ADAMTSL1: variants seen among roughly 807,000 people sequenced by gnomAD.
The protein encoded by ADAMTSL1 is ADAMTS like 1, also known as ADAMTS-like protein 1.
ADAMTSL1 carries 126 observed loss-of-function variants against 201.8 expected under a neutral mutation model. That is an observed-to-expected ratio of 0.62 (90% CI 0.54 to 0.72). ADAMTSL1 has a LOEUF of 0.72. Ranked by LOEUF, ADAMTSL1 falls within the 30% of genes least tolerant of loss-of-function variation. The probability of loss-of-function intolerance (pLI) is 0.00; values close to 1 mark genes in which losing one functional copy is unlikely to be tolerated. For synonymous variants in ADAMTSL1, 1,121 were observed against 903.4 expected (o/e 1.24, Z -4.32); for missense variants, 2,679 against 2,277.8 (o/e 1.18, Z -3.59).
chr9:18,763,045 A>G (rs571048190), intron 16 of ADAMTSL1, among the ~76,000 whole-genome samples: 5 of 152,312 alleles, frequency 3.3e-5, no homozygotes, highest in African/African-American at 1.2e-4. Context: ...GCTAGATCAT[A>G]CGGTAGCTCA....
intron 1 of ADAMTSL1, among the ~76,000 whole-genome samples, chr9:17,994,507 G>A (rs1008394644): frequency 3.9e-5 from 6 of 152,110 alleles, no homozygotes; most frequent in Non-Finnish European, 7.4e-5. Context: ...GCTTTTATTA[G>A]ATATTCGGTA....
chr9:18,359,830 C>G (rs1160499151), intron 2 of ADAMTSL1, among the ~76,000 whole-genome samples: 2 of 114,180 alleles, frequency 1.8e-5, no homozygotes, highest in African/African-American at 3.3e-5. Context: ...CCCACCCGCC[C>G]CCCCGCCCAC....
chr9:18,674,156 C>T (rs1227020603), intron 9 of ADAMTSL1, among the ~76,000 whole-genome samples: 1 of 150,622 alleles, frequency 6.6e-6, no homozygotes, highest in African/African-American at 2.4e-5. Flanking sequence ...AGGCAGCATC[C>T]CTTTTCTTAT....
intron 1 of ADAMTSL1, among the ~76,000 whole-genome samples, chr9:17,979,231 C>T (rs1818584965): frequency 6.6e-6 from 1 of 151,974 alleles, no homozygotes; most frequent in Admixed American, 6.6e-5. Context: ...TGGGGAGTTT[C>T]CAGTCATTAT....
At chr9:18,608,710 C>G (rs116110242) in intron 4 of ADAMTSL1, among the ~76,000 whole-genome samples, 444 of 152,278 alleles carry the variant, frequency 2.9e-3, no homozygotes, top group African/African-American at 0.01. Flanking sequence ...TATCCAGCAG[C>G]TCACCTTTCA....
chr9:18,552,972 G>T (rs1820876276), intron 3 of ADAMTSL1, among the ~76,000 whole-genome samples: 2 of 149,582 alleles, frequency 1.3e-5, no homozygotes, highest in Non-Finnish European at 1.5e-5. Flanking sequence ...CCATCTATTT[G>T]CTGTCACTAT....
intron 17 of ADAMTSL1, among the ~76,000 whole-genome samples, chr9:18,775,311 G>A (rs1303546302): frequency 6.6e-6 from 1 of 152,140 alleles, no homozygotes; most frequent in Admixed American, 6.5e-5. Flanking sequence ...ACTTGTGAAG[G>A]AAGGAAAAAG....
At chr9:18,248,074 T>C (rs1188073071) in intron 2 of ADAMTSL1, among the ~76,000 whole-genome samples, 1 of 152,158 alleles carries the variant, frequency 6.6e-6, no homozygotes, top group Non-Finnish European at 1.5e-5. Context: ...GTATTTTAGT[T>C]ACCAGGAAAC....
At chr9:18,850,131 T>C (rs1461466675) in intron 23 of ADAMTSL1, among the ~76,000 whole-genome samples, 1 of 152,200 alleles carries the variant, frequency 6.6e-6, no homozygotes, top group African/African-American at 2.4e-5. Flanking sequence ...GGCATGGGCT[T>C]ATTTAAAGAC....
At position 17,985,450 on chromosome 9, in the gene ADAMTSL1, C is replaced by G. The variant is rs148508514; in HGVS notation, c.87+78528C>G. Among the ~76,000 whole-genome samples, 643 of 151,902 alleles carry G rather than the reference C, an allele frequency of 4.2e-3. 6 individuals carry two copies. The highest frequency in any genetic ancestry group is 0.014 in the African/African-American group (596 of 41,450). On this transcript the variant is annotated intron_variant, in intron 1 of 29. Coordinates refer to the ADAMTSL1 transcript ENST00000680146. Reference sequence around the variant, plus strand: ...AAATTTAAATAGGCAGATTTAACCACAAGGAAAATAAAATCTTGAAAAATA... The same window carrying G: ...AAATTTAAATAGGCAGATTTAACCAGAAGGAAAATAAAATCTTGAAAAATA...
chr9:18,119,330 C>T (rs185034861), intron 1 of ADAMTSL1, among the ~76,000 whole-genome samples: 1 of 152,048 alleles, frequency 6.6e-6, no homozygotes, highest in East Asian at 1.9e-4. Context: ...TCTCTCTCTG[C>T]CACCCAGGCT....
At chr9:18,444,828 C>G (rs925037522) in intron 2 of ADAMTSL1, among the ~76,000 whole-genome samples, 2 of 152,066 alleles carry the variant, frequency 1.3e-5, no homozygotes, top group Non-Finnish European at 2.9e-5. Flanking sequence ...TATTAAAAGA[C>G]ATATGTCTAT....
At chr9:18,074,599 A>G (rs528082504) in intron 1 of ADAMTSL1, among the ~76,000 whole-genome samples, 52 of 38,528 alleles carry the variant, frequency 1.3e-3, no homozygotes, top group South Asian at 3.1e-3. Flanking sequence ...TGTTGTTGTT[A>G]TTGTTGTTGA....
At chr9:18,844,706 T>A (rs901870351) in intron 23 of ADAMTSL1, among the ~76,000 whole-genome samples, 5 of 152,238 alleles carry the variant, frequency 3.3e-5, no homozygotes, top group African/African-American at 9.6e-5. Context: ...TCGAGCTTCC[T>A]GGCTGCTTTG....
At chr9:18,775,938 C>A in intron 18 of ADAMTSL1, 42 bp downstream of exon 18, 1 of 1,564,132 alleles carries the variant, frequency 6.4e-7, no homozygotes, top group South Asian at 1.2e-5. Context: ...ATGAAACCCA[C>A]ACAGCAGCAG....
At chr9:18,822,483 G>T (rs1824270433) in intron 21 of ADAMTSL1, among the ~76,000 whole-genome samples, 1 of 152,186 alleles carries the variant, frequency 6.6e-6, no homozygotes, top group Non-Finnish European at 1.5e-5. Flanking sequence ...ATGGCAGGCG[G>T]TGTACACTTG....
At chr9:18,869,037 G>T (rs1827721494) in intron 23 of ADAMTSL1, among the ~76,000 whole-genome samples, 1 of 152,176 alleles carries the variant, frequency 6.6e-6, no homozygotes, top group South Asian at 2.1e-4. Context: ...TGTCCTTATG[G>T]AAAGGTGAAA....
At chr9:18,233,012 A>G (rs1039443524) in intron 2 of ADAMTSL1, among the ~76,000 whole-genome samples, 5 of 152,228 alleles carry the variant, frequency 3.3e-5, no homozygotes, top group Non-Finnish European at 7.3e-5. Context: ...GGTGGAAGAC[A>G]TTGCTATTAT....
chr9:18,681,652 C>T lies in ADAMTSL1; in HGVS notation c.1342-160C>T, dbSNP rs187230304. 7.5e-5 allele frequency among the ~76,000 whole-genome samples: 9 copies of T among 120,078 alleles called. No individual in the cohort carries two copies. In the South Asian group the frequency reaches 2.2e-3, roughly 29 times the overall value. The allele number at this position is 120,078 out of a possible 152,430, so 78.8% of individuals were successfully genotyped here. ...CAAATAGCCAAATAGAACAAAGATC[C>T]CTTGACTGGTAAGAAGTGGTATAAA... On this transcript the variant is annotated intron_variant, in intron 11 of 28. Coordinates refer to ENST00000380548, the MANE Select transcript of ADAMTSL1 (RefSeq NM_001040272.6).
Sources: allele counts gnomAD v4.1 joint callset (sites outside exome capture counted in the v4.1 genomes callset), GRCh38; gene constraint gnomAD v4.1.1; transcripts MANE v1.5; gene names NCBI Gene and HGNC (gene_info 2026-07-23, HGNC 2026-07-21).